ARHGEF6: variants seen among roughly 807,000 people sequenced by gnomAD.
ARHGEF6 encodes the protein Rac/Cdc42 guanine nucleotide exchange factor 6, also known as rho guanine nucleotide exchange factor 6.
A neutral mutation model predicts 70.3 loss-of-function variants in ARHGEF6; 9 were observed. That is an observed-to-expected ratio of 0.13 (90% confidence interval 0.08 to 0.22). The LOEUF (loss-of-function observed/expected upper bound fraction) is 0.22, where lower values mean the gene tolerates loss of function less well. Among genes scored for constraint, ARHGEF6 ranks in the 10% least tolerant of loss-of-function variants. The pLI, the probability that ARHGEF6 is intolerant of heterozygous loss-of-function variation, is 1.00. For missense variants in ARHGEF6, 470 were observed against 563.0 expected (o/e 0.83, Z 1.67); for synonymous variants, 201 against 207.8 (o/e 0.97, Z 0.28).
chrX:136,680,123 C>T (rs774559142), intron 15 of ARHGEF6, among the ~76,000 whole-genome samples: 91 of 112,558 alleles, frequency 8.1e-4, no homozygotes, highest in Non-Finnish European at 1.6e-3. Context: ...ATTCTTCCAA[C>T]CACAACACAC....
intron 9 of ARHGEF6, among the ~76,000 whole-genome samples, chrX:136,697,810 C>T (rs2076528384): frequency 8.9e-6 from 1 of 112,610 alleles, no homozygotes; most frequent in Admixed American, 9.4e-5. Context: ...TCTAAAATTA[C>T]CTAAAATGTC....
At chrX:136,708,011 A>G (rs1361693070) in intron 8 of ARHGEF6, among the ~76,000 whole-genome samples, 1 of 112,025 alleles carries the variant, frequency 8.9e-6, no homozygotes, top group African/African-American at 3.2e-5. Context: ...GTGTGTTTCA[A>G]CTCTTAATAT....
rs934172899 is a variant in ARHGEF6 at position 136,694,305 on chromosome X, G to A, written c.1047-3557C>T. On this transcript the variant is annotated intron_variant, in intron 9 of 21. Transcript: ENST00000250617. ...TGACCTCCAGTGATCCACCTGCCTC[G>A]GCCACCCAAAGTGCTGGGATTACAG... Among the ~76,000 whole-genome samples, 8 of 111,574 alleles carry A rather than the reference G, an allele frequency of 7.2e-5. No homozygotes were observed. The East Asian group carries it at 8.4e-4, about 12-fold the overall frequency.
At position 136,747,509 on chromosome X, in the gene ARHGEF6, T is replaced by C. The variant is rs1372011403; in HGVS notation, c.333A>G (p.Glu111=). 2 of 1,206,287 alleles carry C rather than the reference T, an allele frequency of 1.7e-6. No homozygotes were observed. The highest frequency in any genetic ancestry group is 3.5e-5 in the African/African-American group (2 of 57,162). ...STLLAVNKAT[E]DQLSERPCGR... ...ATATAAATCACAAGCCCGGCTTACC[T>C]TCTGTTGCTTTGTTGACAGCTAAAA... Residue 111 remains glutamate (E), a splice_region_variant and synonymous_variant, in exon 3 of 22, where the codon GAA becomes GAG. Transcript: ENST00000250617.
At chrX:136,745,141 C>T (rs1253463313) in intron 4 of ARHGEF6, 82 bp downstream of exon 4, 3 of 1,143,660 alleles carry the variant, frequency 2.6e-6, no homozygotes, top group Non-Finnish European at 3.6e-6. Context: ...ATGGCTGTCT[C>T]ACCACATATG....
chrX:136,727,533 CTT>C (rs779632379), intron 6 of ARHGEF6, among the ~76,000 whole-genome samples: 55 of 88,584 alleles, frequency 6.2e-4, no homozygotes, highest in Non-Finnish European at 1.1e-3. Context: ...CTCTCTCTCT[CTT>C]TCTTTCTTTC....
At position 136,667,425 on chromosome X, in the gene ARHGEF6, T is replaced by C. The variant is rs2076171597; in HGVS notation, c.*604A>G. On this transcript the variant is annotated 3_prime_UTR_variant, in exon 22 of 22. Coordinates refer to ENST00000250617, the MANE Select transcript of ARHGEF6 (RefSeq NM_004840.3). ...GGGCAGTAATTTTAAAACCTGTGAT[T>C]GAGGGGAGGCATGTGATGGTCTAAG... is the stretch of plus-strand genomic sequence containing the variant. 8.7e-6 allele frequency: 1 copy of C among 114,605 alleles called. No individual in the cohort carries two copies. Among genetic ancestry groups the C allele is most frequent in the South Asian group, 3.5e-4 (1 of 2,830 alleles). The allele number at this position is 114,605 out of a possible 1,213,427, so 9.4% of individuals were successfully genotyped here.
At chrX:136,688,620 T>C (rs2076428293) in intron 10 of ARHGEF6, among the ~76,000 whole-genome samples, 2 of 110,673 alleles carry the variant, frequency 1.8e-5, no homozygotes, top group Admixed American at 9.7e-5. Flanking sequence ...ATTGTGCCAC[T>C]ATACTCCAGC....
intron 2 of ARHGEF6, among the ~76,000 whole-genome samples, chrX:136,776,878 GATAAATAAATAAATAA>G (rs59514085): frequency 2.0e-5 from 2 of 99,950 alleles, no homozygotes; most frequent in African/African-American, 3.5e-5. Flanking sequence ...TAAATAAATA[GATAAATAAATAAATAA>G]ATAAATAAAT....
In ARHGEF6 at chrX:136,686,647, C is replaced by CAT. The variant is rs1186808082; in HGVS notation, c.1246-826_1246-825dup. The stretch of plus-strand genomic sequence containing the variant: ...ACACATATATATATATATATACACA[C>CAT]ATATATATATACACATGTGTATATA... On this transcript the variant is annotated intron_variant, in intron 11 of 21. Transcript: ENST00000250617. 3.1e-3 allele frequency among the ~76,000 whole-genome samples: 178 copies of CAT among 57,986 alleles called. 1 individual carries two copies. Among genetic ancestry groups the CAT allele is most frequent in the African/African-American group, 0.015 (168 of 11,372 alleles). 50.4% of individuals were successfully genotyped at this position (57,986 alleles called of 115,157 possible).
At chrX:136,769,218 C>T (rs2077345917) in intron 2 of ARHGEF6, among the ~76,000 whole-genome samples, 1 of 110,841 alleles carries the variant, frequency 9.0e-6, no homozygotes, top group Admixed American at 9.6e-5. Context: ...TCGAGACCAG[C>T]CTGGCCAACA....
chrX:136,716,386 G>A (rs767073138), intron 6 of ARHGEF6, among the ~76,000 whole-genome samples: 14 of 111,746 alleles, frequency 1.3e-4, no homozygotes, highest in Non-Finnish European at 2.4e-4. Flanking sequence ...CCACCTAAGC[G>A]GGAGAACTAG....
intron 6 of ARHGEF6, among the ~76,000 whole-genome samples, chrX:136,728,103 G>A (rs1189442863): frequency 4.5e-5 from 5 of 112,137 alleles, no homozygotes; most frequent in Non-Finnish European, 7.5e-5. Flanking sequence ...AAGTTACAAT[G>A]AGCAAAGAAA....
At chrX:136,710,982 T>C (rs1195455322) in intron 7 of ARHGEF6, among the ~76,000 whole-genome samples, 1 of 111,691 alleles carries the variant, frequency 9.0e-6, no homozygotes, top group African/African-American at 3.3e-5. Context: ...AGAATGGCCA[T>C]TATTAAAAAG....
chrX:136,672,047 C>T lies in ARHGEF6; in HGVS notation c.2108G>A (p.Ser703Asn). The T allele has an allele frequency of 8.3e-7, 1 of 1,210,156 alleles. No homozygotes were observed. Among genetic ancestry groups the T allele is most frequent in the Non-Finnish European group, 1.1e-6 (1 of 894,072 alleles). Residue 703 changes from serine to asparagine, a missense_variant, in exon 20 of 22, where the codon AGC (serine) becomes AAC (asparagine). Ser to Asn is a conservative substitution (Grantham distance 46, BLOSUM62 1). Around this residue, in one of 3 missense-constraint regions of ARHGEF6, gnomAD observed 88 missense variants for 95.5 expected, o/e 0.92. Coordinates refer to ENST00000250617, the MANE Select transcript of ARHGEF6 (RefSeq NM_004840.3). ...TTCTTCCATGATGGTCTGGCCGTTGCTTCTGGTTTCTTCAATGATGAGTTT... is the reference window on the plus strand; with the variant it reads ...TTCTTCCATGATGGTCTGGCCGTTGTTTCTGGTTTCTTCAATGATGAGTTT... Reference protein sequence around the residue: ...EEKLIIEETRSNGQTIMEEKS... With the variant: ...EEKLIIEETRNNGQTIMEEKS...
At chrX:136,699,222 C>A (rs2076541135) in intron 9 of ARHGEF6, among the ~76,000 whole-genome samples, 1 of 109,400 alleles carries the variant, frequency 9.1e-6, no homozygotes, top group Admixed American at 9.7e-5. Flanking sequence ...ATAATAATAA[C>A]AAAAAGGGAA....
chrX:136,746,029 A>G (rs1322216040), intron 3 of ARHGEF6, among the ~76,000 whole-genome samples: 1 of 112,294 alleles, frequency 8.9e-6, no homozygotes, highest in East Asian at 2.8e-4. Flanking sequence ...AAATTTCAAT[A>G]AGGGTTCTTT....
At chrX:136,779,686 A>G (rs144234571) in intron 1 of ARHGEF6, among the ~76,000 whole-genome samples, 189 bp from the exon 2 acceptor site, 2 of 111,880 alleles carry the variant, frequency 1.8e-5, no homozygotes, top group South Asian at 3.7e-4. Context: ...CTTTGTTTCA[A>G]ATGTCACCAA....
intron 9 of ARHGEF6, among the ~76,000 whole-genome samples, chrX:136,692,857 A>G (rs1260952837): frequency 1.8e-5 from 2 of 111,599 alleles, no homozygotes; most frequent in Admixed American, 9.5e-5. Flanking sequence ...CAAGACAAAT[A>G]CCTTGCTAAA....
Sources: gnomAD v4.1 joint callset for allele counts (sites outside exome capture counted in the v4.1 genomes callset) on GRCh38, gnomAD v4.1.1 for gene constraint, gnomAD v4.1.1 regional missense constraint, MANE v1.5 for transcripts, NCBI Gene and HGNC (gene_info 2026-07-23, HGNC 2026-07-21) for gene names.